HNMT: variants seen among roughly 807,000 people sequenced by gnomAD.
The protein encoded by HNMT is histamine N-methyltransferase.
In HNMT, 30 loss-of-function variants were observed where a neutral mutation model predicts 32.1. The observed-to-expected ratio is 0.93, with a 90% CI of 0.70 to 1.27. HNMT has a LOEUF of 1.27. Ranked by LOEUF, HNMT falls within the 50% of genes most tolerant of loss-of-function variation. The pLI is 0.00. For synonymous variants in HNMT, 125 were observed against 119.0 expected (o/e 1.05, Z -0.33); for missense variants, 327 against 346.0 (o/e 0.95, Z 0.43).
At chr2:138,012,775 C>A (rs917298433) in intron 5 of HNMT, among the ~76,000 whole-genome samples, 1 of 152,052 alleles carries the variant, frequency 6.6e-6, no homozygotes, top group Non-Finnish European at 1.5e-5. Flanking sequence ...ATCACTGATT[C>A]TTTCTTTTTA....
At chr2:138,002,611 C>T (rs1008735423) in intron 4 of HNMT, 2 of 205,408 alleles carry the variant, frequency 9.7e-6, no homozygotes, top group South Asian at 3.4e-4. Flanking sequence ...CCACACCCAA[C>T]TAATTTTTTA....
intron 2 of HNMT, among the ~76,000 whole-genome samples, chr2:137,984,345 TTCTC>T (rs1198776036): frequency 7.2e-5 from 11 of 152,222 alleles, no homozygotes; most frequent in African/African-American, 2.7e-4. Flanking sequence ...TGGATGAAGT[TTCTC>T]TATCTGAATA....
chr2:137,979,238 T>C (rs1022641686), intron 2 of HNMT, among the ~76,000 whole-genome samples: 1 of 149,860 alleles, frequency 6.7e-6, no homozygotes, highest in East Asian at 1.9e-4. Context: ...AATACAAATA[T>C]AAATGAATTT....
At chr2:137,965,104 T>C (rs935264813) in intron 1 of HNMT, among the ~76,000 whole-genome samples, 1 of 152,194 alleles carries the variant, frequency 6.6e-6, no homozygotes, top group Non-Finnish European at 1.5e-5. Context: ...ATTTTCCTTA[T>C]CCATTGTTAT....
intron 3 of HNMT, 33 bp downstream of exon 3, chr2:138,001,058 C>G: frequency 9.0e-7 from 1 of 1,114,108 alleles, no homozygotes; most frequent in Non-Finnish European, 1.3e-6. Context: ...TACACCAGAT[C>G]CTATCCCAAA....
Position 138,014,460 on chromosome 2 carries a change from T to C in HNMT, c.*330T>C. 1 of 214,216 alleles carries C rather than the reference T, an allele frequency of 4.7e-6. No individual in the cohort carries two copies. The highest frequency in any genetic ancestry group is 9.4e-6 in the Non-Finnish European group (1 of 106,194). 13.3% of individuals were successfully genotyped at this position (214,216 alleles called of 1,614,324 possible). A position where few individuals can be genotyped will look rare whatever the true frequency, so the allele number is the denominator to read the frequency against. On this transcript the variant is annotated 3_prime_UTR_variant, in exon 6 of 6. Coordinates refer to ENST00000280097, the MANE Select transcript of HNMT (RefSeq NM_006895.3). ...TGTCTGAAATTTTCTAGAATACTAA[T>C]AAAATACATACTATAGATTCTTTAT... is the stretch of plus-strand genomic sequence containing the variant.
At chr2:137,980,550 A>G (rs572519123) in intron 2 of HNMT, among the ~76,000 whole-genome samples, 1 of 152,182 alleles carries the variant, frequency 6.6e-6, no homozygotes, top group South Asian at 2.1e-4. Flanking sequence ...TTTTCCATCA[A>G]ATATCTGTAC....
At chr2:137,986,612 G>A (rs1227180060) in intron 2 of HNMT, among the ~76,000 whole-genome samples, 1 of 152,080 alleles carries the variant, frequency 6.6e-6, no homozygotes, top group East Asian at 1.9e-4. Flanking sequence ...TTATCCAAAT[G>A]TCTGAGCACT....
In HNMT at chr2:138,014,763, C is replaced by T. The variant is rs1681612802; in HGVS notation, c.*633C>T. 6.6e-6 allele frequency: 1 copy of T among 151,516 alleles called. No homozygotes were observed. The highest frequency in any genetic ancestry group is 1.5e-5 in the Non-Finnish European group (1 of 67,888). The allele number at this position is 151,516 out of a possible 1,614,324, so 9.4% of individuals were successfully genotyped here. On this transcript the variant is annotated 3_prime_UTR_variant, in exon 6 of 6. Coordinates refer to ENST00000280097, the MANE Select transcript of HNMT (RefSeq NM_006895.3). ...ACTGAAGTTTTCTATTATATTCAGCCAGATTTTTTTTTAAGTCTCGGCTTC... is the reference window on the plus strand; with the variant it reads ...ACTGAAGTTTTCTATTATATTCAGCTAGATTTTTTTTTAAGTCTCGGCTTC...
Position 137,964,606 on chromosome 2 carries a change from A to C in HNMT, c.115A>C (p.Lys39Gln), listed in dbSNP as rs758512681. The C allele has an allele frequency of 6.2e-7, 1 of 1,613,868 alleles. No individual in the cohort carries two copies. The highest frequency in any genetic ancestry group is 1.7e-5 in the Admixed American group (1 of 60,008). ...GTGCATGCAGGAATTCATGGACAAG[A>C]AGCTGCCAGGCATAATAGGAAGGTA... ...HQCMQEFMDKKLPGIIGRIGD... is the reference protein window; with the variant it reads ...HQCMQEFMDKQLPGIIGRIGD... Residue 39 changes from lysine to glutamine, a missense_variant, in exon 1 of 6, where the codon AAG (lysine) becomes CAG (glutamine). By Grantham distance (53) the Lys-to-Gln change is moderately conservative. Coordinates refer to ENST00000280097, the MANE Select transcript of HNMT (RefSeq NM_006895.3).
chr2:137,981,614 G>T, intron 2 of HNMT: 1 of 518,566 alleles, frequency 1.9e-6, no homozygotes, highest in Non-Finnish European at 3.4e-6. Context: ...AATATTTGTT[G>T]AAGTAATGTA....
At chr2:138,001,082 A>G in intron 3 of HNMT, 57 bp downstream of exon 3, 2 of 856,242 alleles carry the variant, frequency 2.3e-6, no homozygotes, top group South Asian at 3.3e-5. Flanking sequence ...CTTAACTCAA[A>G]TTGTTCCCTT....
intron 2 of HNMT, among the ~76,000 whole-genome samples, chr2:137,997,642 A>T (rs990880835): frequency 2.0e-5 from 3 of 152,214 alleles, no homozygotes; most frequent in Non-Finnish European, 1.5e-5. Flanking sequence ...AGAACCAGAA[A>T]TACCATTTGA....
chr2:138,005,057 C>A, intron 4 of HNMT, 75 bp from the exon 5 acceptor site: 1 of 782,606 alleles, frequency 1.3e-6, no homozygotes, highest in Non-Finnish European at 2.2e-6. Context: ...ATCAAACTTT[C>A]TAGGAGTATC....
At chr2:138,010,434 GACACACGCACACACACAC>G (rs1418145058) in intron 5 of HNMT, among the ~76,000 whole-genome samples, 1 of 117,658 alleles carries the variant, frequency 8.5e-6, no homozygotes, top group Non-Finnish European at 1.8e-5. Flanking sequence ...CAATAAAAAA[GACACACGCACACACACAC>G]ACACACACAC....
intron 2 of HNMT, among the ~76,000 whole-genome samples, chr2:137,993,424 AT>A (rs771938197): frequency 3.9e-5 from 6 of 152,180 alleles, no homozygotes; most frequent in Non-Finnish European, 7.3e-5. Context: ...GTATCAACTG[AT>A]GAATCAACCA....
At position 138,010,459 on chromosome 2, in the gene HNMT, A is replaced by G. The variant is rs1182205825; in HGVS notation, c.524-3316A>G. ...GACACACGCACACACACACACACAC[A>G]CACACACACACACACACACACACAG... On this transcript the variant is annotated intron_variant, in intron 5 of 5. Transcript: ENST00000280097. 6.2e-5 allele frequency among the ~76,000 whole-genome samples: 9 copies of G among 144,488 alleles called. No homozygotes were observed. The South Asian group carries it at 1.4e-3, about 23-fold the overall frequency. 94.8% of individuals were successfully genotyped at this position (144,488 alleles called of 152,430 possible).
chr2:138,008,727 A>G (rs1027830446), intron 5 of HNMT, among the ~76,000 whole-genome samples: 4 of 152,100 alleles, frequency 2.6e-5, no homozygotes, highest in African/African-American at 9.7e-5. Flanking sequence ...AGCCATATGC[A>G]GAAGACTGAA....
At position 138,014,251 on chromosome 2, in the gene HNMT, G is replaced by C; in HGVS notation, c.*121G>C. The C allele has an allele frequency of 1.5e-6, 1 of 670,318 alleles. No homozygotes were observed. 41.5% of individuals were successfully genotyped at this position (670,318 alleles called of 1,614,324 possible). A position where few individuals can be genotyped will look rare whatever the true frequency, so the allele number is the denominator to read the frequency against. ...TAGATAAAGCACTGTTTGGATATGAGATGTAGCAAATTCCAATACATTATT... is the reference window on the plus strand; with the variant it reads ...TAGATAAAGCACTGTTTGGATATGACATGTAGCAAATTCCAATACATTATT... On this transcript the variant is annotated 3_prime_UTR_variant, in exon 6 of 6. Coordinates refer to ENST00000280097, the MANE Select transcript of HNMT (RefSeq NM_006895.3).
Sources: allele counts gnomAD v4.1 joint callset (sites outside exome capture counted in the v4.1 genomes callset), GRCh38; gene constraint gnomAD v4.1.1; transcripts MANE v1.5; gene names NCBI Gene and HGNC (gene_info 2026-07-23, HGNC 2026-07-21).